Variants in METTL15 observed in about 807,000 individuals in gnomAD.
The protein encoded by METTL15 is methyltransferase 15, mitochondrial 12S rRNA N4-cytidine.
In METTL15, 34 loss-of-function variants were observed where a neutral mutation model predicts 38.3. The observed-to-expected ratio is 0.89, with a 90% CI of 0.68 to 1.18. The LOEUF is 1.18. Ranked by LOEUF, METTL15 falls within the 50% of genes most tolerant of loss-of-function variation. METTL15 has a pLI of 0.00. For synonymous variants in METTL15, 162 were observed against 170.9 expected, an observed-to-expected ratio of 0.95 and a Z score of 0.41; for missense variants, 438 against 498.4, an observed-to-expected ratio of 0.88 and a Z score of 1.15.
chr11:28,194,129 T>TTTCTTTCTTTCTTTCTTTCTTTCC (rs1851805028), intron 3 of METTL15, among the ~76,000 whole-genome samples: 1 of 110,390 alleles, frequency 9.1e-6, no homozygotes, highest in African/African-American at 3.5e-5. Context: ...TTGATCTTTC[T>TTTCTTTCTTTCTTTCTTTCTTTCC]TTCTTTCTTT....
chr11:28,183,556 A>G (rs528463242), intron 3 of METTL15, among the ~76,000 whole-genome samples: 1 of 152,040 alleles, frequency 6.6e-6, no homozygotes, highest in Non-Finnish European at 1.5e-5. Context: ...GTGATGGATT[A>G]TGTTTATTAT....
downstream of METTL15, among the ~76,000 whole-genome samples, chr11:28,335,853 A>G (rs950609255): frequency 1.3e-5 from 2 of 152,300 alleles, no homozygotes; most frequent in Admixed American, 6.5e-5. Flanking sequence ...CTAGAAAACC[A>G]TAAGCGAAAT....
At chr11:28,321,440 G>A (rs1565253315) in intron 6 of METTL15, among the ~76,000 whole-genome samples, 1 of 152,028 alleles carries the variant, frequency 6.6e-6, no homozygotes, top group Non-Finnish European at 1.5e-5. Context: ...CTTTTTCATA[G>A]GAGTGATTAA....
At chr11:28,126,399 T>C (rs955193222) in intron 3 of METTL15, among the ~76,000 whole-genome samples, 3 of 152,080 alleles carry the variant, frequency 2.0e-5, no homozygotes, top group African/African-American at 7.2e-5. Flanking sequence ...CATAGCACAC[T>C]AGCTTGAAAG....
intron 5 of METTL15, among the ~76,000 whole-genome samples, chr11:28,373,883 T>G (rs1290623819): frequency 3.3e-5 from 5 of 152,164 alleles, no homozygotes; most frequent in Non-Finnish European, 5.9e-5. Context: ...TTTCTACATA[T>G]GGCTAGCCAG....
chr11:28,438,916 A>T (rs1851008136), intron 6 of METTL15, among the ~76,000 whole-genome samples: 1 of 151,568 alleles, frequency 6.6e-6, no homozygotes, highest in South Asian at 2.1e-4. Context: ...ACTGCAGGTG[A>T]TCCACCCACC....
At chr11:28,142,799 A>G (rs1266576117) in intron 3 of METTL15, among the ~76,000 whole-genome samples, 1 of 152,194 alleles carries the variant, frequency 6.6e-6, no homozygotes, top group Non-Finnish European at 1.5e-5. Flanking sequence ...TAGATTAGAT[A>G]GATATTTTGT....
intron 4 of METTL15, among the ~76,000 whole-genome samples, chr11:28,232,499 G>A (rs1476006569): frequency 6.6e-6 from 1 of 151,510 alleles, no homozygotes; most frequent in Admixed American, 6.6e-5. Context: ...GAAAGAAAAA[G>A]TATACTATAT....
chr11:28,398,509 A>G (rs1850597263), intron 5 of METTL15, among the ~76,000 whole-genome samples: 1 of 152,016 alleles, frequency 6.6e-6, no homozygotes, highest in South Asian at 2.1e-4. Flanking sequence ...TCCTTTGCCC[A>G]CTTTTTGATG....
intron 5 of METTL15, among the ~76,000 whole-genome samples, chr11:28,418,549 C>T (rs1383281489): frequency 6.6e-6 from 1 of 152,146 alleles, no homozygotes; most frequent in Non-Finnish European, 1.5e-5. Context: ...CTCTGCCGAT[C>T]GTCCTCTCTG....
At chr11:28,268,166 C>T (rs1359551885) in intron 4 of METTL15, among the ~76,000 whole-genome samples, 91 of 117,358 alleles carry the variant, frequency 7.8e-4, no homozygotes, top group African/African-American at 2.8e-3. Context: ...CACTGCACTC[C>T]AGCCTGGGCG....
At chr11:28,126,886 T>C (rs1365239944) in intron 3 of METTL15, among the ~76,000 whole-genome samples, 1 of 152,120 alleles carries the variant, frequency 6.6e-6, no homozygotes, top group African/African-American at 2.4e-5. Flanking sequence ...CAGGAGGATT[T>C]AAAGTGGTAA....
chr11:28,236,041 C>CT (rs1425642265), intron 4 of METTL15, among the ~76,000 whole-genome samples: 24 of 151,954 alleles, frequency 1.6e-4, no homozygotes, highest in Non-Finnish European at 1.5e-5. Flanking sequence ...TGTCAAAGGC[C>CT]TTTTCTGCAT....
intron 4 of METTL15, among the ~76,000 whole-genome samples, chr11:28,267,595 C>CT (rs1855477743): frequency 6.6e-6 from 1 of 152,206 alleles, no homozygotes; most frequent in Non-Finnish European, 1.5e-5. Flanking sequence ...GGGTAGAACT[C>CT]TGTTTTGTAG....
chr11:28,221,980 A>C (rs185417515), intron 4 of METTL15, among the ~76,000 whole-genome samples: 4 of 152,198 alleles, frequency 2.6e-5, no homozygotes, highest in Non-Finnish European at 5.9e-5. Flanking sequence ...GATGCCTTCC[A>C]GTTAGGCTAC....
chr11:28,341,988 C>T (rs1564901151), intron 3 of METTL15, among the ~76,000 whole-genome samples: 1 of 152,096 alleles, frequency 6.6e-6, no homozygotes, highest in African/African-American at 2.4e-5. Context: ...CTAGATCTTT[C>T]CTATTTTTAA....
chr11:28,380,743 A>G (rs1447419262), intron 5 of METTL15, among the ~76,000 whole-genome samples: 1 of 152,240 alleles, frequency 6.6e-6, no homozygotes, highest in Non-Finnish European at 1.5e-5. Flanking sequence ...TAGATTAAAA[A>G]GAATGGAAAT....
chr11:28,306,002 G>T (rs1389084259), intron 6 of METTL15, among the ~76,000 whole-genome samples: 1 of 152,014 alleles, frequency 6.6e-6, no homozygotes, highest in South Asian at 2.1e-4. Flanking sequence ...TTCAGAGTCC[G>T]ATTCTAGGAC....
intron 3 of METTL15, among the ~76,000 whole-genome samples, chr11:28,117,871 G>A (rs953071776): frequency 1.3e-5 from 2 of 152,102 alleles, no homozygotes; most frequent in African/African-American, 4.8e-5. Flanking sequence ...TTCTTCCTGA[G>A]CCTTTTCCCC....
Sources: gnomAD v4.1 joint callset for allele counts (sites outside exome capture counted in the v4.1 genomes callset) on GRCh38, gnomAD v4.1.1 for gene constraint, MANE v1.5 for transcripts, NCBI Gene and HGNC (gene_info 2026-07-23, HGNC 2026-07-21) for gene names.